Variants in SOX6 observed in about 807,000 individuals in gnomAD.
The protein encoded by SOX6 is SRY-box transcription factor 6, also known as transcription factor SOX-6.
In SOX6, 11 loss-of-function variants were observed where a neutral mutation model predicts 97.8. The observed-to-expected ratio is 0.11, with a 90% CI of 0.07 to 0.19. SOX6 has a LOEUF of 0.19. Ranked by LOEUF, SOX6 falls within the 10% of genes least tolerant of loss-of-function variation. The probability of loss-of-function intolerance (pLI) is 1.00; values close to 1 mark genes in which losing one functional copy is unlikely to be tolerated. For synonymous variants in SOX6, 360 were observed against 371.4 expected, an observed-to-expected ratio of 0.97 and a Z score of 0.35; for missense variants, 810 against 1,039.5, an observed-to-expected ratio of 0.78 and a Z score of 3.04.
At position 16,097,614 on chromosome 11, in the gene SOX6, G is replaced by T; in HGVS notation, c.973C>A (p.Leu325Ile). The T allele has an allele frequency of 6.2e-7, 1 of 1,610,952 alleles. No homozygotes were observed. Among genetic ancestry groups the T allele is most frequent in the Non-Finnish European group, 8.5e-7 (1 of 1,177,866 alleles). The change falls in exon 8 of 16, where the codon CTC (leucine) becomes ATC (isoleucine). Residue 325 changes from leucine (L) to isoleucine (I), a missense_variant. Leu to Ile is a conservative substitution (Grantham distance 5, BLOSUM62 2). Around this residue, in one of 9 missense-constraint regions of SOX6, gnomAD observed 244 missense variants for 261.0 expected, o/e 0.93. Coordinates refer to ENST00000683767, the MANE Select transcript of SOX6 (RefSeq NM_001367873.1). ...TTTTTTCTTCTGGCACTTACCTGGA[G>T]CTGTAAAGGGCTGAGTCCAGAAGCA... ...AAASGLSPLQ[L>I]QKGHVSHPQI... is the part of the protein sequence containing the mutation.
intron 10 of SOX6, among the ~76,000 whole-genome samples, chr11:16,050,615 T>A (rs1847662097): frequency 2.0e-5 from 3 of 152,228 alleles, no homozygotes; most frequent in Admixed American, 1.3e-4. Context: ...TTTAAAGTGA[T>A]GTTTCTTTAT....
At chr11:15,981,560 T>C (rs187655785) in intron 15 of SOX6, among the ~76,000 whole-genome samples, 7 of 152,206 alleles carry the variant, frequency 4.6e-5, no homozygotes, top group African/African-American at 1.4e-4. Flanking sequence ...CTGTAGCTGA[T>C]ACTGCAGGAA....
At chr11:16,658,465 T>G (rs968300536) in intron 3 of SOX6, among the ~76,000 whole-genome samples, 1 of 152,134 alleles carries the variant, frequency 6.6e-6, no homozygotes, top group Non-Finnish European at 1.5e-5. Context: ...TCCCAGCACT[T>G]TGGGAGGCCA....
chr11:16,551,766 G>A (rs1847690521), intron 4 of SOX6, among the ~76,000 whole-genome samples: 1 of 151,952 alleles, frequency 6.6e-6, no homozygotes, highest in Admixed American at 6.6e-5. Flanking sequence ...ACCATGCCCA[G>A]CTAATTTTTG....
intron 1 of SOX6, among the ~76,000 whole-genome samples, chr11:16,373,039 GGAAGAA>G (rs1857533433): frequency 6.6e-6 from 1 of 151,800 alleles, no homozygotes; most frequent in Non-Finnish European, 1.5e-5. Context: ...GATATATTTA[GGAAGAA>G]AAAATAGTGA....
Position 16,708,086 on chromosome 11 carries a change from T to G in SOX6, n.429+6744A>C, listed in dbSNP as rs569094857. ...CAGTCACACAGTAGTTTATTAAAACTACCATATAGCCACTTTATAGTTTGG... is the reference window on the plus strand; with the variant it reads ...CAGTCACACAGTAGTTTATTAAAACGACCATATAGCCACTTTATAGTTTGG... On this transcript the variant is annotated intron_variant and non_coding_transcript_variant, in intron 3 of 5. Coordinates refer to the SOX6 transcript ENST00000524520. Among the ~76,000 whole-genome samples the G allele has an allele frequency of 1.8e-4, 27 of 152,268 alleles. No homozygotes were observed. In the South Asian group the frequency reaches 5.2e-3, roughly 29 times the overall value.
intron 4 of SOX6, among the ~76,000 whole-genome samples, chr11:16,540,903 A>T (rs1431894087): frequency 6.6e-6 from 1 of 152,206 alleles, no homozygotes; most frequent in Non-Finnish European, 1.5e-5. Context: ...TGCCCAAGGT[A>T]ATTTATAGAT....
At chr11:16,634,356 T>C (rs1421024261) in intron 3 of SOX6, among the ~76,000 whole-genome samples, 1 of 151,516 alleles carries the variant, frequency 6.6e-6, no homozygotes, top group Non-Finnish European at 1.5e-5. Flanking sequence ...AAACAGTGCC[T>C]TAGGAATTTG....
At chr11:16,716,226 ACT>A (rs951967656) in intron 2 of SOX6, among the ~76,000 whole-genome samples, 80 of 151,998 alleles carry the variant, frequency 5.3e-4, no homozygotes, top group African/African-American at 1.9e-3. Flanking sequence ...ACAGAGCAAG[ACT>A]CTGTCTGAAA....
intron 4 of SOX6, among the ~76,000 whole-genome samples, chr11:16,233,116 T>C (rs1380973323): frequency 1.3e-5 from 2 of 152,170 alleles, no homozygotes; most frequent in African/African-American, 4.8e-5. Context: ...ACATTTACAT[T>C]AGATAATTAT....
chr11:16,520,096 T>C (rs889918292), intron 4 of SOX6, among the ~76,000 whole-genome samples: 1 of 152,224 alleles, frequency 6.6e-6, no homozygotes, highest in African/African-American at 2.4e-5. Context: ...ATTCTGGATA[T>C]GTTTTTTGTT....
In SOX6 at chr11:16,276,061, G is replaced by T. The variant is rs114830810; in HGVS notation, c.446-41390C>A. 1.8e-3 allele frequency among the ~76,000 whole-genome samples: 275 copies of T among 152,184 alleles called. 1 individual carries two copies. The highest frequency in any genetic ancestry group is 6.4e-3 in the African/African-American group (266 of 41,540). On this transcript the variant is annotated intron_variant, in intron 3 of 15. Transcript: ENST00000683767. Reference sequence around the variant, plus strand: ...ATTAAAATATACAAGTATGTAGAATGAGGTCAGAGAAGTTGGGAAACTTCC... The same window carrying T: ...ATTAAAATATACAAGTATGTAGAATTAGGTCAGAGAAGTTGGGAAACTTCC...
At chr11:16,327,255 T>A (rs1036131409) in intron 2 of SOX6, among the ~76,000 whole-genome samples, 8 of 152,168 alleles carry the variant, frequency 5.3e-5, no homozygotes, top group African/African-American at 1.7e-4. Context: ...AAATGAATCA[T>A]GTATAAAGCA....
chr11:16,537,978 C>T (rs1308902636), intron 4 of SOX6, among the ~76,000 whole-genome samples: 1 of 152,092 alleles, frequency 6.6e-6, no homozygotes, highest in African/African-American at 2.4e-5. Flanking sequence ...ACAGAGAACA[C>T]CACAATGATA....
chr11:16,541,750 A>G (rs1294538645), intron 4 of SOX6, among the ~76,000 whole-genome samples: 1 of 152,254 alleles, frequency 6.6e-6, no homozygotes. Context: ...AATACAAATC[A>G]AAACCACAAT....
At chr11:16,063,621 C>CCTTTTCTCAT (rs1848022315) in intron 9 of SOX6, among the ~76,000 whole-genome samples, 1 of 135,536 alleles carries the variant, frequency 7.4e-6, no homozygotes, top group African/African-American at 2.7e-5. Flanking sequence ...AAGTACAAGG[C>CCTTTTCTCAT]CTTTTCTCAT....
chr11:16,290,560 C>G (rs1854884096), intron 3 of SOX6, among the ~76,000 whole-genome samples: 1 of 151,938 alleles, frequency 6.6e-6, no homozygotes, highest in Admixed American at 6.6e-5. Context: ...AAAGAAAAAA[C>G]AGGACACAAA....
chr11:16,523,781 T>C (rs1359280052), intron 4 of SOX6, among the ~76,000 whole-genome samples: 3 of 151,992 alleles, frequency 2.0e-5, no homozygotes, highest in Non-Finnish European at 1.5e-5. Context: ...ATAGACTCAA[T>C]AAAAAGTGAT....
At chr11:16,182,003 G>T (rs1851359604) in intron 6 of SOX6, among the ~76,000 whole-genome samples, 1 of 151,694 alleles carries the variant, frequency 6.6e-6, no homozygotes, top group South Asian at 2.1e-4. Context: ...TCAAATTGAT[G>T]TTTCCAAATG....
Sources: allele counts gnomAD v4.1 joint callset (sites outside exome capture counted in the v4.1 genomes callset), GRCh38; gene constraint gnomAD v4.1.1; regional missense constraint gnomAD v4.1.1; transcripts MANE v1.5; gene names NCBI Gene and HGNC (gene_info 2026-07-23, HGNC 2026-07-21).